The following SLCO2A1 variants were observed in gnomAD, a reference collection of about 807,000 sequenced individuals.
SLCO2A1 encodes the protein matrin F/G 1.
SLCO2A1 carries 60 observed loss-of-function variants against 71.7 expected under a neutral mutation model. That is an observed-to-expected ratio of 0.84 (90% CI 0.68 to 1.04). The LOEUF (loss-of-function observed/expected upper bound fraction) is 1.04. SLCO2A1 is among the 50% of genes least tolerant of loss of function. The probability of loss-of-function intolerance (pLI) is 0.00; values close to 1 mark genes in which losing one functional copy is unlikely to be tolerated. For synonymous variants in SLCO2A1, 308 were observed against 326.7 expected, an observed-to-expected ratio of 0.94 and a Z score of 0.62; for missense variants, 745 against 813.4, an observed-to-expected ratio of 0.92 and a Z score of 1.02.
chr3:134,019,783 AG>A (rs1478328937), intron 1 of SLCO2A1, among the ~76,000 whole-genome samples: 7 of 152,128 alleles, frequency 4.6e-5, no homozygotes, highest in African/African-American at 1.4e-4. Flanking sequence ...GGGTTTTTGC[AG>A]GAATGTCCAA....
At chr3:134,015,308 G>A (rs1236156430) in intron 1 of SLCO2A1, among the ~76,000 whole-genome samples, 1 of 152,208 alleles carries the variant, frequency 6.6e-6, no homozygotes, top group East Asian at 1.9e-4. Context: ...AAATCTAGAG[G>A]ACATTATGCT....
chr3:133,964,788 AG>A (rs1200561399), intron 3 of SLCO2A1, among the ~76,000 whole-genome samples: 1 of 152,184 alleles, frequency 6.6e-6, no homozygotes, highest in Non-Finnish European at 1.5e-5. Context: ...GCTATGAATG[AG>A]CTGGGCACAA....
intron 3 of SLCO2A1, among the ~76,000 whole-genome samples, chr3:133,968,046 C>T (rs549436046): frequency 7.3e-6 from 1 of 136,862 alleles, no homozygotes; most frequent in South Asian, 2.5e-4. Context: ...CCACACATTT[C>T]CCCCACACCA....
At chr3:134,004,191 C>T (rs1935159024) in intron 1 of SLCO2A1, among the ~76,000 whole-genome samples, 1 of 152,004 alleles carries the variant, frequency 6.6e-6, no homozygotes, top group Admixed American at 6.6e-5. Flanking sequence ...TAATGGCCTC[C>T]CCAAATGTCT....
In SLCO2A1 at chr3:133,948,600, G is replaced by C. The variant is rs1201241332; in HGVS notation, c.1041C>G (p.Thr347=). The C allele has an allele frequency of 6.2e-7, 1 of 1,614,184 alleles. No individual in the cohort carries two copies. Among genetic ancestry groups the C allele is most frequent in the Admixed American group, 1.7e-5 (1 of 60,030 alleles). ...TFSSVIAGLS[T]FLNKFLEKQY... ...GCTTCTCCAGGAACTTGTTGAGGAA[G>C]GTGGAGAGGCCAGCAATGACGGAGG... The change falls in exon 8 of 14, where the codon ACC becomes ACG. Residue 347 remains threonine, a synonymous_variant. Transcript: ENST00000310926.
intron 1 of SLCO2A1, among the ~76,000 whole-genome samples, chr3:133,987,214 T>C (rs974153389): frequency 1.5e-5 from 2 of 133,690 alleles, no homozygotes; most frequent in Non-Finnish European, 3.1e-5. Context: ...ACTCTTAAAA[T>C]TTAACCTGAA....
rs944042871 is a variant in SLCO2A1 at position 133,933,823 on chromosome 3, G to C, written c.*890C>G. On this transcript the variant is annotated 3_prime_UTR_variant, in exon 14 of 14. Transcript: ENST00000310926. ...ATCTGCTGCCAGGGAGATGTGGGAG[G>C]TTCTTCCCATTACTCTGAGATGAGG... 1 of 152,248 alleles carries C rather than the reference G, an allele frequency of 6.6e-6. No individual in the cohort carries two copies. The highest frequency in any genetic ancestry group is 1.5e-5 in the Non-Finnish European group (1 of 68,050). 9.4% of individuals were successfully genotyped at this position (152,248 alleles called of 1,614,324 possible).
chr3:133,949,234 A>G (rs1933672319), intron 6 of SLCO2A1: 1 of 487,146 alleles, frequency 2.1e-6, no homozygotes, highest in African/African-American at 1.9e-5. Flanking sequence ...ATCATTTCAT[A>G]TCTAACTTTC....
chr3:134,008,683 T>G (rs189230104), intron 1 of SLCO2A1, among the ~76,000 whole-genome samples: 1 of 152,300 alleles, frequency 6.6e-6, no homozygotes, highest in East Asian at 1.9e-4. Context: ...ATACATTTGC[T>G]TCTCCAGGAT....
intron 1 of SLCO2A1, among the ~76,000 whole-genome samples, chr3:134,013,818 G>T (rs547892229): frequency 5.9e-4 from 90 of 152,320 alleles, no homozygotes; most frequent in Non-Finnish European, 1.1e-3. Flanking sequence ...TCATTCATTT[G>T]ATTTTAAGAT....
intron 1 of SLCO2A1, among the ~76,000 whole-genome samples, chr3:134,026,059 A>T (rs1374419621): frequency 3.3e-5 from 5 of 152,228 alleles, no homozygotes; most frequent in Admixed American, 3.3e-4. Flanking sequence ...TAGTACCTAC[A>T]GACCCAGTTC....
At chr3:134,023,200 C>G (rs929143997) in intron 1 of SLCO2A1, among the ~76,000 whole-genome samples, 1 of 151,714 alleles carries the variant, frequency 6.6e-6, no homozygotes, top group East Asian at 1.9e-4. Flanking sequence ...GCCACCCCCT[C>G]CAGAATTGTG....
At chr3:133,964,353 A>T (rs566260638) in intron 3 of SLCO2A1, among the ~76,000 whole-genome samples, 1 of 152,350 alleles carries the variant, frequency 6.6e-6, no homozygotes, top group African/African-American at 2.4e-5. Flanking sequence ...TAATGAGTAT[A>T]TTATAACCTG....
intron 3 of SLCO2A1, among the ~76,000 whole-genome samples, chr3:133,958,338 CAG>C (rs1933943427): frequency 1.3e-5 from 2 of 152,170 alleles, no homozygotes; most frequent in African/African-American, 4.8e-5. Flanking sequence ...CCAAGCACAG[CAG>C]AGGGTGAGAG....
At position 134,015,082 on chromosome 3, in the gene SLCO2A1, G is replaced by C. The variant is rs148617111; in HGVS notation, c.96+14625C>G. On this transcript the variant is annotated intron_variant, in intron 1 of 13. Coordinates refer to ENST00000310926, the MANE Select transcript of SLCO2A1 (RefSeq NM_005630.3). ...AAAACTGAACAGGTAATAAAATTTGGTATCCATAAGATAAACACATACCAT... is the reference window on the plus strand; with the variant it reads ...AAAACTGAACAGGTAATAAAATTTGCTATCCATAAGATAAACACATACCAT... 1.8e-3 allele frequency among the ~76,000 whole-genome samples: 274 copies of C among 152,184 alleles called. 8 individuals are homozygous for C. In the East Asian group the frequency reaches 0.051, roughly 28 times the overall value.
In SLCO2A1 at chr3:133,935,834, G is replaced by C. The variant is rs1422287786; in HGVS notation, c.1754C>G (p.Ser585Trp). ...GGCCCCTCGCCTCCCCAAGCACAGCGAGTTCCACCGGATGCAGGAGTGGTC... is the reference window on the plus strand; with the variant it reads ...GGCCCCTCGCCTCCCCAAGCACAGCCAGTTCCACCGGATGCAGGAGTGGTC... ...TIDHSCIRWN[S>W]LCLGRRGACA... The change falls in exon 13 of 14, where the codon TCG becomes TGG. Residue 585 changes from serine (S) to tryptophan (W), a missense_variant. Coordinates refer to ENST00000310926, the MANE Select transcript of SLCO2A1 (RefSeq NM_005630.3). 2.5e-6 allele frequency: 4 copies of C among 1,611,762 alleles called. No homozygotes were observed. The highest frequency in any genetic ancestry group is 2.5e-6 in the Non-Finnish European group (3 of 1,178,566).
rs537678322 is a variant in SLCO2A1 at position 133,953,036 on chromosome 3, G to T, written c.724+627C>A. Among the ~76,000 whole-genome samples the T allele has an allele frequency of 2.6e-5, 4 of 151,852 alleles. No individual in the cohort carries two copies. The South Asian group carries it at 8.3e-4, about 32-fold the overall frequency. On this transcript the variant is annotated intron_variant, in intron 5 of 13. Coordinates refer to ENST00000310926, the MANE Select transcript of SLCO2A1 (RefSeq NM_005630.3). ...AACATCTTAGAATCAAAGAACCATAGAATTTTTTTTTTTTCTTTCAGACAG... is the reference window on the plus strand; with the variant it reads ...AACATCTTAGAATCAAAGAACCATATAATTTTTTTTTTTTCTTTCAGACAG...
chr3:133,971,314 T>A (rs1266555518), intron 3 of SLCO2A1, among the ~76,000 whole-genome samples: 2 of 152,246 alleles, frequency 1.3e-5, no homozygotes, highest in Non-Finnish European at 2.9e-5. Flanking sequence ...AAGCTCTCAT[T>A]AGACCAAGGG....
intron 1 of SLCO2A1, among the ~76,000 whole-genome samples, chr3:134,008,335 CG>C (rs1187445583): frequency 2.6e-5 from 4 of 152,158 alleles, no homozygotes; most frequent in Non-Finnish European, 4.4e-5. Context: ...TATTCATTAT[CG>C]GATCTCCAGT....
Sources: allele counts gnomAD v4.1 joint callset (sites outside exome capture counted in the v4.1 genomes callset), GRCh38; gene constraint gnomAD v4.1.1; transcripts MANE v1.5; gene names NCBI Gene and HGNC (gene_info 2026-07-23, HGNC 2026-07-21).